Variants in PPP1R16B observed in about 807,000 individuals in gnomAD.
PPP1R16B encodes the protein protein phosphatase 1 regulatory subunit 16B.
Under a neutral mutation model 61.7 loss-of-function variants are expected in PPP1R16B, and 14 were observed. The observed-to-expected ratio is 0.23, with a 90% confidence interval of 0.15 to 0.35. The LOEUF (loss-of-function observed/expected upper bound fraction) is 0.35, where lower values mean the gene tolerates loss of function less well. PPP1R16B is among the 10% of genes least tolerant of loss of function. PPP1R16B has a pLI of 1.00. For missense variants in PPP1R16B, 547 were observed against 752.5 expected (o/e 0.73, Z 3.19); for synonymous variants, 266 against 305.3 (o/e 0.87, Z 1.34).
intron 1 of PPP1R16B, among the ~76,000 whole-genome samples, chr20:38,807,984 C>T (rs775765798): frequency 8.5e-5 from 13 of 152,296 alleles, no homozygotes; most frequent in Non-Finnish European, 1.5e-4. Flanking sequence ...TGGTAATTGA[C>T]GGAGTGGAGG....
At chr20:38,899,113 G>A (rs1233206428) in intron 4 of PPP1R16B, among the ~76,000 whole-genome samples, 7 of 152,214 alleles carry the variant, frequency 4.6e-5, no homozygotes, top group South Asian at 2.1e-4. Flanking sequence ...GGAGCCCATC[G>A]TTGGCTCCCG....
intron 3 of PPP1R16B, among the ~76,000 whole-genome samples, chr20:38,892,246 G>A (rs541682632): frequency 6.6e-6 from 1 of 152,104 alleles, no homozygotes; most frequent in South Asian, 2.1e-4. Context: ...TGGGGTTCCC[G>A]CCACCTCACA....
chr20:38,877,960 T>G (rs1319040076), intron 2 of PPP1R16B, among the ~76,000 whole-genome samples: 1 of 129,228 alleles, frequency 7.7e-6, no homozygotes, highest in Admixed American at 7.2e-5. Context: ...TTGTTTTTTT[T>G]TTTTTTTTTT....
intron 1 of PPP1R16B, among the ~76,000 whole-genome samples, chr20:38,813,533 A>G (rs187228974): frequency 5.3e-5 from 8 of 152,242 alleles, no homozygotes; most frequent in South Asian, 2.1e-4. Context: ...AAGGTTGTAG[A>G]GTTGTGTATT....
At chr20:38,820,251 T>G (rs147617314) in intron 1 of PPP1R16B, among the ~76,000 whole-genome samples, 68 of 152,338 alleles carry the variant, frequency 4.5e-4, no homozygotes, top group African/African-American at 1.3e-3. Context: ...GTGAATGCCT[T>G]TTAGCGAATG....
At chr20:38,855,943 T>TATATATATAGAGAGAGAGAG (rs1555804333) in intron 2 of PPP1R16B, among the ~76,000 whole-genome samples, 1 of 15,062 alleles carries the variant, frequency 6.6e-5, no homozygotes, top group Non-Finnish European at 9.9e-5. Flanking sequence ...TATATATATA[T>TATATATATAGAGAGAGAGAG]AGAGAGAGAG....
intron 2 of PPP1R16B, among the ~76,000 whole-genome samples, chr20:38,875,970 CTT>C (rs34445273): frequency 2.5e-4 from 26 of 104,146 alleles, no homozygotes; most frequent in African/African-American, 6.4e-4. Context: ...TGGTTTTGAA[CTT>C]TTTTTTTTTT....
intron 10 of PPP1R16B, among the ~76,000 whole-genome samples, 200 bp downstream of exon 10, chr20:38,908,393 G>A (rs73108602): frequency 0.15 from 23,371 of 152,258 alleles, 1,995 homozygotes; most frequent in East Asian, 0.3. Flanking sequence ...GGCTGCTGTA[G>A]TTAAGGAGGT....
chr20:38,859,117 C>A (rs1265845329), intron 2 of PPP1R16B, among the ~76,000 whole-genome samples: 1 of 152,180 alleles, frequency 6.6e-6, no homozygotes, highest in Non-Finnish European at 1.5e-5. Flanking sequence ...AAGACCCCAC[C>A]TTCTGATGGC....
intron 1 of PPP1R16B, among the ~76,000 whole-genome samples, chr20:38,814,251 C>G (rs1427584150): frequency 1.3e-5 from 2 of 152,184 alleles, no homozygotes; most frequent in African/African-American, 4.8e-5. Flanking sequence ...AATCATTACA[C>G]TCTCTGGCCC....
rs1234041875 is a variant in PPP1R16B at position 38,836,107 on chromosome 20, G to A, written c.182G>A (p.Arg61His). 1 of 1,612,506 alleles carries A rather than the reference G, an allele frequency of 6.2e-7. No individual in the cohort carries two copies. Among genetic ancestry groups the A allele is most frequent in the East Asian group, 2.2e-5 (1 of 44,876 alleles). ...HERKRSTGGR[R>H]KKVSFEASVA... is the part of the protein sequence containing the mutation. Reference sequence around the variant, plus strand: ...CGGAAGCGCAGCACGGGCGGCCGCCGCAAGAAAGTGTCCTTCGAGGCCAGC... The same window carrying A: ...CGGAAGCGCAGCACGGGCGGCCGCCACAAGAAAGTGTCCTTCGAGGCCAGC... The change falls in exon 2 of 11, where the codon CGC (arginine) becomes CAC (histidine). Residue 61 changes from arginine to histidine, a missense_variant. Physicochemically the swap from Arg to His is conservative, Grantham distance 29. Coordinates refer to ENST00000299824, the MANE Select transcript of PPP1R16B (RefSeq NM_015568.4).
At chr20:38,831,614 T>G (rs1350175548) in intron 1 of PPP1R16B, among the ~76,000 whole-genome samples, 1 of 152,104 alleles carries the variant, frequency 6.6e-6, no homozygotes, top group Non-Finnish European at 1.5e-5. Flanking sequence ...ATGGAGAGCG[T>G]ATGTGCCCTA....
chr20:38,896,711 C>T (rs1215772010), intron 4 of PPP1R16B, among the ~76,000 whole-genome samples: 1 of 152,172 alleles, frequency 6.6e-6, no homozygotes, highest in Non-Finnish European at 1.5e-5. Context: ...TCTCCATCTT[C>T]AGAATGACTT....
At chr20:38,818,891 A>C (rs533891539) in intron 1 of PPP1R16B, among the ~76,000 whole-genome samples, 2 of 151,334 alleles carry the variant, frequency 1.3e-5, no homozygotes, top group Admixed American at 6.6e-5. Context: ...CGATCCTCCC[A>C]CCTCAGCCTC....
intron 2 of PPP1R16B, among the ~76,000 whole-genome samples, chr20:38,861,588 C>T (rs2085050872): frequency 6.6e-6 from 1 of 152,050 alleles, no homozygotes; most frequent in South Asian, 2.1e-4. Context: ...ACATCTTCTT[C>T]CCCCCCACCC....
chr20:38,908,586 T>A (rs1422161314), intron 10 of PPP1R16B, among the ~76,000 whole-genome samples: 1 of 152,224 alleles, frequency 6.6e-6, no homozygotes, highest in African/African-American at 2.4e-5. Flanking sequence ...AACTTCTTTT[T>A]CAGGAAATAT....
chr20:38,903,883 T>C (rs2085418659), intron 6 of PPP1R16B, among the ~76,000 whole-genome samples: 1 of 152,210 alleles, frequency 6.6e-6, no homozygotes, highest in African/African-American at 2.4e-5. Context: ...ATTCAGAGCA[T>C]GGCTATGGCA....
At position 38,806,508 on chromosome 20, in the gene PPP1R16B, C is replaced by T. The variant is rs1309184014; in HGVS notation, c.-102+716C>T. Reference sequence around the variant, plus strand: ...AGCGCTCCCCTCTGGGCGACTCCGGCTCATCGATTCCGGCCCAGAGGAGCG... The same window carrying T: ...AGCGCTCCCCTCTGGGCGACTCCGGTTCATCGATTCCGGCCCAGAGGAGCG... On this transcript the variant is annotated intron_variant, in intron 1 of 10. Transcript: ENST00000299824. The surrounding 1 kb of genome is among the most constrained non-coding windows in gnomAD (Gnocchi z 4.5). Among the ~76,000 whole-genome samples the T allele has an allele frequency of 1.3e-5, 2 of 152,090 alleles. No individual in the cohort carries two copies. Among genetic ancestry groups the T allele is most frequent in the Non-Finnish European group, 1.5e-5 (1 of 67,976 alleles).
At chr20:38,841,898 G>A (rs2084911435) in intron 2 of PPP1R16B, among the ~76,000 whole-genome samples, 1 of 152,326 alleles carries the variant, frequency 6.6e-6, no homozygotes, top group South Asian at 2.1e-4. Flanking sequence ...GCAAATTTGG[G>A]TACAAGTCTT....
Sources: gnomAD v4.1 joint callset for allele counts (sites outside exome capture counted in the v4.1 genomes callset) on GRCh38, gnomAD v4.1.1 for gene constraint, Gnocchi (gnomAD v3.1) non-coding constraint, MANE v1.5 for transcripts, NCBI Gene and HGNC (gene_info 2026-07-23, HGNC 2026-07-21) for gene names.